Variants in DLG2 observed in about 807,000 individuals in gnomAD.
DLG2 encodes disks large homolog 2.
A neutral mutation model predicts 132.5 loss-of-function variants in DLG2; 45 were observed. That is an observed-to-expected ratio of 0.34 (90% CI 0.27 to 0.44). DLG2 has a LOEUF of 0.44. Among genes scored for constraint, DLG2 ranks in the 20% least tolerant of loss-of-function variants. The pLI, the probability that DLG2 is intolerant of heterozygous loss-of-function variation, is 1.00. For synonymous variants in DLG2, 424 were observed against 419.6 expected, an observed-to-expected ratio of 1.01 and a Z score of -0.13; for missense variants, 1,045 against 1,196.9, an observed-to-expected ratio of 0.87 and a Z score of 1.87.
intron 18 of DLG2, among the ~76,000 whole-genome samples, chr11:83,712,320 C>T (rs2085633906): frequency 6.6e-6 from 1 of 152,014 alleles, no homozygotes; most frequent in Non-Finnish European, 1.5e-5. Flanking sequence ...CACGGAATAC[C>T]ATGCAGTCAT....
chr11:85,317,111 A>G (rs1471812546), intron 3 of DLG2, among the ~76,000 whole-genome samples: 1 of 151,948 alleles, frequency 6.6e-6, no homozygotes, highest in Non-Finnish European at 1.5e-5. Flanking sequence ...ATTGTATTCC[A>G]GGCAAGTAAA....
chr11:83,965,220 G>T, intron 13 of DLG2, 104 bp downstream of exon 13: 1 of 1,289,410 alleles, frequency 7.8e-7, no homozygotes, highest in Non-Finnish European at 1.1e-6. Flanking sequence ...ATTTCCAGAA[G>T]TTAACCAAGA....
chr11:83,923,276 A>T lies in DLG2; in HGVS notation c.1496+7052T>A, dbSNP rs117577829. On this transcript the variant is annotated intron_variant, in intron 15 of 27. Transcript: ENST00000376104. ...TAATGTGGCTAGTGCCTGGATGAAAATTCATTTGCTCAATTTCCCTTGATC... is the reference window on the plus strand; with the variant it reads ...TAATGTGGCTAGTGCCTGGATGAAATTTCATTTGCTCAATTTCCCTTGATC... 8.0e-3 allele frequency among the ~76,000 whole-genome samples: 1,212 copies of T among 152,282 alleles called. 9 individuals carry two copies. Among genetic ancestry groups the T allele is most frequent in the Non-Finnish European group, 0.014 (959 of 68,010 alleles).
intron 19 of DLG2, among the ~76,000 whole-genome samples, chr11:83,556,300 C>T (rs1379438687): frequency 6.6e-6 from 1 of 151,900 alleles, no homozygotes; most frequent in Non-Finnish European, 1.5e-5. Context: ...GGCAGGGAAA[C>T]GTTTCTACTG....
At chr11:85,152,543 C>G (rs1042110118) in intron 5 of DLG2, among the ~76,000 whole-genome samples, 2 of 152,060 alleles carry the variant, frequency 1.3e-5, no homozygotes, top group Non-Finnish European at 2.9e-5. Flanking sequence ...GCTGGGATCA[C>G]CACCTTGGCC....
intron 11 of DLG2, among the ~76,000 whole-genome samples, chr11:84,047,947 C>T (rs556858090): frequency 6.6e-6 from 1 of 151,656 alleles, no homozygotes; most frequent in Non-Finnish European, 1.5e-5. Flanking sequence ...TGATTTGCTA[C>T]ACAATCTTAG....
At chr11:83,999,924 A>G (rs2154040425) in intron 11 of DLG2, among the ~76,000 whole-genome samples, 1 of 150,432 alleles carries the variant, frequency 6.6e-6, no homozygotes, top group Non-Finnish European at 1.5e-5. Flanking sequence ...ATACCAGATC[A>G]CACAGATATC....
intron 3 of DLG2, chr11:85,286,275 C>A: frequency 3.7e-6 from 1 of 273,762 alleles, no homozygotes; most frequent in South Asian, 3.2e-5. Flanking sequence ...TGATGGGAGC[C>A]AAGTTTCTTA....
At chr11:85,056,069 A>G (rs1467681616) in intron 6 of DLG2, among the ~76,000 whole-genome samples, 1 of 152,132 alleles carries the variant, frequency 6.6e-6, no homozygotes, top group Admixed American at 6.6e-5. Context: ...TTCATATATA[A>G]TAACTGTCAT....
chr11:84,319,271 G>A (rs149282762), intron 7 of DLG2, among the ~76,000 whole-genome samples: 34 of 151,754 alleles, frequency 2.2e-4, no homozygotes, highest in East Asian at 2.1e-3. Flanking sequence ...CTGTTGGGTC[G>A]AAGAAAACCC....
At chr11:85,261,867 A>T (rs1364305863) in intron 4 of DLG2, among the ~76,000 whole-genome samples, 2 of 151,872 alleles carry the variant, frequency 1.3e-5, no homozygotes, top group Non-Finnish European at 1.5e-5. Context: ...TATCAGGGGG[A>T]AGGTGAGGGA....
chr11:84,788,061 A>G (rs896815193), intron 6 of DLG2, among the ~76,000 whole-genome samples: 6 of 135,088 alleles, frequency 4.4e-5, no homozygotes, highest in African/African-American at 1.7e-4. Flanking sequence ...AGACTGAGCC[A>G]CTGCATTCCA....
intron 14 of DLG2, among the ~76,000 whole-genome samples, chr11:83,944,982 G>C (rs778660284): frequency 3.3e-5 from 5 of 152,330 alleles, no homozygotes; most frequent in Admixed American, 6.5e-5. Context: ...TGGTGAAGTA[G>C]AGGAGGGAAA....
At chr11:83,837,261 C>A (rs1349216992) in intron 16 of DLG2, among the ~76,000 whole-genome samples, 1 of 152,108 alleles carries the variant, frequency 6.6e-6, no homozygotes. Context: ...TGCCAACTAA[C>A]GCCACCTCAT....
At chr11:85,043,044 G>A (rs966932699) in intron 6 of DLG2, among the ~76,000 whole-genome samples, 8 of 151,536 alleles carry the variant, frequency 5.3e-5, no homozygotes, top group African/African-American at 7.3e-5. Context: ...ACATTACATC[G>A]TCAGCCTTTG....
intron 6 of DLG2, among the ~76,000 whole-genome samples, chr11:84,782,756 C>A (rs897977551): frequency 3.2e-4 from 49 of 152,272 alleles, no homozygotes; most frequent in Admixed American, 9.2e-4. Context: ...TCTTTACACT[C>A]TTCTTTGCAA....
chr11:85,512,238 C>T (rs1441658069), intron 3 of DLG2, among the ~76,000 whole-genome samples: 1 of 151,980 alleles, frequency 6.6e-6, no homozygotes, highest in Non-Finnish European at 1.5e-5. Context: ...CAACCTGGTG[C>T]AAAGCAAAGA....
intron 4 of DLG2, among the ~76,000 whole-genome samples, chr11:85,205,975 C>T (rs2081859231): frequency 6.6e-6 from 1 of 152,170 alleles, no homozygotes; most frequent in Non-Finnish European, 1.5e-5. Flanking sequence ...GTCACCCCCA[C>T]CCTCAAATCT....
intron 6 of DLG2, among the ~76,000 whole-genome samples, chr11:84,755,745 A>G (rs1050325297): frequency 6.6e-6 from 1 of 152,208 alleles, no homozygotes; most frequent in African/African-American, 2.4e-5. Context: ...TACCCAGACT[A>G]TCTAAGGTAG....
Sources: allele counts gnomAD v4.1 joint callset (sites outside exome capture counted in the v4.1 genomes callset), GRCh38; gene constraint gnomAD v4.1.1; transcripts MANE v1.5; gene names NCBI Gene and HGNC (gene_info 2026-07-23, HGNC 2026-07-21).